Variants in POMP observed in about 807,000 individuals in gnomAD.
The protein encoded by POMP is proteasome maturation protein, also known as 2510048O06Rik.
A neutral mutation model predicts 20.6 loss-of-function variants in POMP; 12 were observed. That is an observed-to-expected ratio of 0.58 (90% CI 0.37 to 0.94). POMP has a LOEUF of 0.94. Ranked by LOEUF, POMP falls within the 40% of genes least tolerant of loss-of-function variation. POMP has a pLI of 0.01. For synonymous variants in POMP, 53 were observed against 55.0 expected (o/e 0.96, Z 0.16); for missense variants, 136 against 161.1 (o/e 0.84, Z 0.84).
At chr13:28,668,913 T>G (rs1771168) in intron 4 of POMP, among the ~76,000 whole-genome samples, 6,767 of 152,194 alleles carry the variant, frequency 0.044, 507 homozygotes, top group African/African-American at 0.15. Flanking sequence ...TATACCTGTT[T>G]CTAAGGAATA....
intron 1 of POMP, among the ~76,000 whole-genome samples, chr13:28,660,246 TG>T (rs1884310226): frequency 6.6e-6 from 1 of 152,200 alleles, no homozygotes; most frequent in African/African-American, 2.4e-5. Context: ...CAACTTCTGG[TG>T]GTTCAACAAT....
intron 4 of POMP, among the ~76,000 whole-genome samples, chr13:28,671,539 T>C (rs1884545692): frequency 2.0e-5 from 3 of 151,926 alleles, no homozygotes; most frequent in African/African-American, 7.3e-5. Flanking sequence ...TTTTGATGCA[T>C]TCTTAGGACT....
chr13:28,669,472 C>T (rs1160590070), intron 4 of POMP, among the ~76,000 whole-genome samples: 1 of 152,130 alleles, frequency 6.6e-6, no homozygotes, highest in Non-Finnish European at 1.5e-5. Flanking sequence ...AACTCCTGGG[C>T]TCAAGCAATC....
chr13:28,678,221 C>G lies in POMP; in HGVS notation c.*119C>G, dbSNP rs1884661390. The G allele has an allele frequency of 3.0e-6, 3 of 1,011,592 alleles. No homozygotes were observed. Among genetic ancestry groups the G allele is most frequent in the Non-Finnish European group, 4.6e-6 (3 of 647,930 alleles). 62.7% of individuals were successfully genotyped at this position (1,011,592 alleles called of 1,614,324 possible). A position where few individuals can be genotyped will look rare whatever the true frequency, so the allele number is the denominator to read the frequency against. ...CTGAGAATTTCTGCTCAAGTAGTAT[C>G]AGTGATCATTTAAAATTTGGAGGGG... On this transcript the variant is annotated 3_prime_UTR_variant, in exon 6 of 6. Coordinates refer to ENST00000380842, the MANE Select transcript of POMP (RefSeq NM_015932.6).
chr13:28,663,123 G>A (rs183480627), intron 2 of POMP, among the ~76,000 whole-genome samples: 20 of 151,930 alleles, frequency 1.3e-4, no homozygotes, highest in African/African-American at 4.8e-4. Context: ...ATGCAGTTAC[G>A]CCATGTTTTT....
At chr13:28,669,427 G>T (rs1002828525) in intron 4 of POMP, among the ~76,000 whole-genome samples, 2 of 152,114 alleles carry the variant, frequency 1.3e-5, no homozygotes, top group Non-Finnish European at 2.9e-5. Flanking sequence ...CCAGGCTGGA[G>T]TGCAGTGGTA....
intron 5 of POMP, among the ~76,000 whole-genome samples, chr13:28,676,319 A>G (rs531519760): frequency 2.6e-5 from 4 of 152,196 alleles, no homozygotes; most frequent in Admixed American, 1.3e-4. Context: ...TCACATTTCC[A>G]ACATGAGATT....
At chr13:28,662,216 T>G (rs906966182) in intron 1 of POMP, among the ~76,000 whole-genome samples, 194 bp from the exon 2 acceptor site, 1 of 152,206 alleles carries the variant, frequency 6.6e-6, no homozygotes, top group Admixed American at 6.5e-5. Flanking sequence ...CACATCTAAA[T>G]TTGGTATTTT....
In POMP at chr13:28,678,622, A is replaced by G. The variant is rs1754945; in HGVS notation, c.*520A>G. The G allele has an allele frequency of 0.044, 6,784 of 153,886 alleles. 508 individuals carry two copies. The highest frequency in any genetic ancestry group is 0.15 in the African/African-American group (6,337 of 41,504). The allele number at this position is 153,886 out of a possible 1,614,324, so 9.5% of individuals were successfully genotyped here. A position where few individuals can be genotyped will look rare whatever the true frequency, so the allele number is the denominator to read the frequency against. ...ATTATAGTTATTGTTTGATTATTTC[A>G]GGTTGAAAAGTAGAAGTTCCAAGGT... On this transcript the variant is annotated 3_prime_UTR_variant, in exon 6 of 6. Transcript: ENST00000380842.
chr13:28,662,362 TG>T, intron 1 of POMP, 47 bp from the exon 2 acceptor site: 2 of 1,392,454 alleles, frequency 1.4e-6, no homozygotes, highest in Non-Finnish European at 1.0e-6. Context: ...CCTGGGTGTG[TG>T]TTTAAATTTT....
At chr13:28,661,649 A>G (rs889612200) in intron 1 of POMP, among the ~76,000 whole-genome samples, 1 of 152,224 alleles carries the variant, frequency 6.6e-6, no homozygotes, top group Non-Finnish European at 1.5e-5. Flanking sequence ...CGCATTTCAC[A>G]GTAGCGTAGG....
At chr13:28,670,493 ACT>A (rs1318985786) in intron 4 of POMP, among the ~76,000 whole-genome samples, 1 of 152,032 alleles carries the variant, frequency 6.6e-6, no homozygotes, top group Non-Finnish European at 1.5e-5. Context: ...CCTTGTTAAG[ACT>A]CTAATCAGAA....
chr13:28,671,728 T>C (rs1884550125), intron 4 of POMP, among the ~76,000 whole-genome samples: 1 of 152,058 alleles, frequency 6.6e-6, no homozygotes, highest in South Asian at 2.1e-4. Flanking sequence ...GAAAATAATA[T>C]ATTTAGTCTG....
intron 3 of POMP, among the ~76,000 whole-genome samples, chr13:28,667,859 C>G (rs549203439): frequency 2.2e-4 from 33 of 152,198 alleles, no homozygotes; most frequent in African/African-American, 7.0e-4. Context: ...AAGTTATGGC[C>G]AAAGTTCCCT....
chr13:28,669,939 C>G lies in POMP; in HGVS notation c.264+1365C>G, dbSNP rs990055962. Among the ~76,000 whole-genome samples the G allele has an allele frequency of 2.2e-4, 33 of 151,906 alleles. 1 individual carries two copies. Among genetic ancestry groups the G allele is most frequent in the Non-Finnish European group, 4.4e-5 (3 of 67,970 alleles). On this transcript the variant is annotated intron_variant, in intron 4 of 5. Transcript: ENST00000380842. ...TGGGCAACATGGCAAAACCCCATCT[C>G]TACAAAAAAAAATACAACAAATGTG...
intron 4 of POMP, 56 bp from the exon 5 acceptor site, chr13:28,672,283 C>T: frequency 1.6e-6 from 2 of 1,285,768 alleles, no homozygotes; most frequent in Non-Finnish European, 1.1e-6. Flanking sequence ...ACTATATATT[C>T]TGTCATTTTC....
chr13:28,659,298 TGG>T lies in POMP; in HGVS notation c.3+114_3+115del, dbSNP rs1024658529. On this transcript the variant is annotated intron_variant, in intron 1 of 5. Transcript: ENST00000380842. ...CCCGGTGGCGGCGGCGGCGGCAGCGTGGGGCTGAGGCCGGCCTCAGGCGCCAT... is the reference window on the plus strand; with the variant it reads ...CCCGGTGGCGGCGGCGGCGGCAGCGTGGCTGAGGCCGGCCTCAGGCGCCAT... 6.5e-5 allele frequency: 98 copies of T among 1,504,872 alleles called. 1 individual carries two copies. The Admixed American group carries it at 1.9e-3, about 29-fold the overall frequency. 93.2% of individuals were successfully genotyped at this position (1,504,872 alleles called of 1,614,324 possible).
intron 1 of POMP, among the ~76,000 whole-genome samples, chr13:28,662,049 C>T (rs898804364): frequency 6.6e-6 from 1 of 152,196 alleles, no homozygotes; most frequent in Non-Finnish European, 1.5e-5. Context: ...TGTATTTCAT[C>T]AGCCTTTACT....
intron 4 of POMP, among the ~76,000 whole-genome samples, chr13:28,671,161 A>G (rs935550303): frequency 6.6e-6 from 1 of 152,360 alleles, no homozygotes; most frequent in African/African-American, 2.4e-5. Flanking sequence ...CATGGTTTTG[A>G]GTAACCTAGG....
Sources: allele counts gnomAD v4.1 joint callset (sites outside exome capture counted in the v4.1 genomes callset), GRCh38; gene constraint gnomAD v4.1.1; transcripts MANE v1.5; gene names NCBI Gene and HGNC (gene_info 2026-07-23, HGNC 2026-07-21).